The following TIMM9 variants were observed in gnomAD, a reference collection of about 807,000 sequenced individuals.
TIMM9 encodes the protein mitochondrial import inner membrane translocase subunit Tim9.
A neutral mutation model predicts 13.4 loss-of-function variants in TIMM9; 10 were observed. The ratio of observed to expected loss-of-function variants is 0.75; its 90% CI spans 0.46 to 1.26. The LOEUF is 1.26. Among genes scored for constraint, TIMM9 ranks in the 50% most tolerant of loss-of-function variants. The pLI, the probability that TIMM9 is intolerant of heterozygous loss-of-function variation, is 0.00. For synonymous variants in TIMM9, 32 were observed against 32.1 expected, an observed-to-expected ratio of 1.00 and a Z score of 0.01; for missense variants, 87 against 100.8, an observed-to-expected ratio of 0.86 and a Z score of 0.58.
intron 2 of TIMM9, among the ~76,000 whole-genome samples, chr14:58,424,419 G>A (rs769171716): frequency 6.6e-6 from 1 of 152,118 alleles, no homozygotes; most frequent in Non-Finnish European, 1.5e-5. Context: ...GATAGTAACT[G>A]GACAGCTGGA....
chr14:58,420,693 T>C (rs376732325), intron 3 of TIMM9, among the ~76,000 whole-genome samples: 216 of 149,042 alleles, frequency 1.4e-3, no homozygotes, highest in African/African-American at 5.2e-3. Context: ...CTCGGGTGGC[T>C]GAGGCAAGAG....
chr14:58,424,719 T>G (rs1032380420), intron 2 of TIMM9, among the ~76,000 whole-genome samples: 1 of 151,922 alleles, frequency 6.6e-6, no homozygotes, highest in Non-Finnish European at 1.5e-5. Context: ...AATACAAAAA[T>G]GAGCCGGCAT....
chr14:58,425,705 C>G (rs748657415), intron 2 of TIMM9, among the ~76,000 whole-genome samples: 2 of 152,192 alleles, frequency 1.3e-5, no homozygotes, highest in Non-Finnish European at 1.5e-5. Flanking sequence ...GTTAAACTAT[C>G]TCCAAGGTCT....
intron 2 of TIMM9, among the ~76,000 whole-genome samples, chr14:58,426,701 C>T (rs1054600218): frequency 2.3e-4 from 35 of 152,196 alleles, no homozygotes; most frequent in African/African-American, 7.7e-4. Context: ...GGTGTTAGAC[C>T]TGGTATTATG....
chr14:58,419,379 T>C (rs1264015802), intron 3 of TIMM9, among the ~76,000 whole-genome samples: 1 of 150,874 alleles, frequency 6.6e-6, no homozygotes, highest in Admixed American at 6.6e-5. Flanking sequence ...CATTTGAGCC[T>C]GGGAGGTAGA....
chr14:58,419,883 C>T (rs1253973146), intron 3 of TIMM9, among the ~76,000 whole-genome samples: 1 of 152,180 alleles, frequency 6.6e-6, no homozygotes, highest in African/African-American at 2.4e-5. Context: ...TGCCACTGCA[C>T]TCCAGCCTGG....
At chr14:58,415,369 A>C (rs895727521) in intron 3 of TIMM9, among the ~76,000 whole-genome samples, 3 of 152,252 alleles carry the variant, frequency 2.0e-5, no homozygotes, top group Non-Finnish European at 2.9e-5. Flanking sequence ...TGAATTAAAA[A>C]AAGACAACAG....
intron 5 of TIMM9, 35 bp from the exon 6 acceptor site, chr14:58,409,203 C>T (rs1479126219): frequency 2.5e-6 from 4 of 1,594,740 alleles, no homozygotes; most frequent in Non-Finnish European, 2.6e-6. Flanking sequence ...AGAGGCAACA[C>T]AAAAATATGA....
At chr14:58,426,048 C>T (rs1344924518) in intron 2 of TIMM9, among the ~76,000 whole-genome samples, 3 of 151,228 alleles carry the variant, frequency 2.0e-5, no homozygotes, top group Non-Finnish European at 2.9e-5. Context: ...ACCTGGGAGG[C>T]GGAGGTTGCA....
intron 3 of TIMM9, among the ~76,000 whole-genome samples, chr14:58,415,944 AGTGCCTCAC>A (rs2036392403): frequency 6.6e-6 from 1 of 152,004 alleles, no homozygotes; most frequent in Admixed American, 6.6e-5. Context: ...GGCTGAGCGC[AGTGCCTCAC>A]GTCTATAATC....
chr14:58,408,950 A>T lies in TIMM9; in HGVS notation c.*84T>A. On this transcript the variant is annotated 3_prime_UTR_variant, in exon 6 of 6. Transcript: ENST00000395159. Reference sequence around the variant, plus strand: ...GTTGAACATGGTGGCTACTGCTTTCAGGGGATTCTATCAGATGAGTCCTCA... The same window carrying T: ...GTTGAACATGGTGGCTACTGCTTTCTGGGGATTCTATCAGATGAGTCCTCA... The T allele has an allele frequency of 2.0e-6, 3 of 1,534,382 alleles. No homozygotes were observed. Among genetic ancestry groups the T allele is most frequent in the Non-Finnish European group, 2.6e-6 (3 of 1,145,250 alleles).
rs144153867 is a variant in TIMM9, at chr14:58,426,240, C to G, written c.-115+814G>C. On this transcript the variant is annotated intron_variant, in intron 2 of 5. Transcript: ENST00000395159. Reference sequence around the variant, plus strand: ...CTTTTTTTTTTAAGACAGTCTTGATCTGTCACTCAGGCTGGAGCACAATGG... The same window carrying G: ...CTTTTTTTTTTAAGACAGTCTTGATGTGTCACTCAGGCTGGAGCACAATGG... Among the ~76,000 whole-genome samples the G allele has an allele frequency of 5.0e-4, 75 of 150,414 alleles. 1 individual carries two copies. Among genetic ancestry groups the G allele is most frequent in the Middle Eastern group, 3.4e-3 (1 of 292 alleles).
chr14:58,422,991 G>C (rs980798838), intron 3 of TIMM9, among the ~76,000 whole-genome samples: 1 of 151,584 alleles, frequency 6.6e-6, no homozygotes, highest in African/African-American at 2.4e-5. Flanking sequence ...GTTTAGTATA[G>C]ATGGGGTTTC....
At chr14:58,425,409 TA>T (rs914229538) in intron 2 of TIMM9, among the ~76,000 whole-genome samples, 3 of 151,188 alleles carry the variant, frequency 2.0e-5, no homozygotes, top group African/African-American at 7.3e-5. Context: ...TACAAAAAAG[TA>T]AAAAATTAGC....
Position 58,420,425 on chromosome 14 carries a change from A to G in TIMM9, c.-27+3583T>C, listed in dbSNP as rs182134521. ...GCCGTAAAAAGGTATTTCAGCAAAAAGGAAATACATATGGCTAATAAGTAC... is the reference window on the plus strand; with the variant it reads ...GCCGTAAAAAGGTATTTCAGCAAAAGGGAAATACATATGGCTAATAAGTAC... On this transcript the variant is annotated intron_variant, in intron 3 of 5. Coordinates refer to ENST00000395159, the MANE Select transcript of TIMM9 (RefSeq NM_012460.4). Among the ~76,000 whole-genome samples the G allele has an allele frequency of 8.1e-4, 124 of 152,334 alleles. 1 individual carries two copies. Among genetic ancestry groups the G allele is most frequent in the African/African-American group, 2.9e-3 (120 of 41,568 alleles).
At chr14:58,425,105 G>A (rs1025580121) in intron 2 of TIMM9, among the ~76,000 whole-genome samples, 4 of 151,830 alleles carry the variant, frequency 2.6e-5, no homozygotes, top group Non-Finnish European at 5.9e-5. Flanking sequence ...GGGTTGAGAG[G>A]GCTGATTTAG....
At chr14:58,412,030 T>TCTTCA in intron 3 of TIMM9, 59 bp from the exon 4 acceptor site, 5 of 1,312,342 alleles carry the variant, frequency 3.8e-6, no homozygotes, top group Non-Finnish European at 5.5e-6. Context: ...TTAGTCTAAC[T>TCTTCA]GAAGAGTTAG....
chr14:58,410,735 G>A, intron 5 of TIMM9, 108 bp downstream of exon 5: 1 of 739,030 alleles, frequency 1.4e-6, no homozygotes, highest in Non-Finnish European at 2.2e-6. Context: ...AACATAAAAG[G>A]TAGTCTAAAT....
chr14:58,409,402 G>C (rs976969665), intron 5 of TIMM9, among the ~76,000 whole-genome samples: 2 of 152,048 alleles, frequency 1.3e-5, no homozygotes, highest in African/African-American at 4.8e-5. Context: ...GCAATGATAA[G>C]TCTCTGTTTT....
Sources: allele counts gnomAD v4.1 joint callset (sites outside exome capture counted in the v4.1 genomes callset), GRCh38; gene constraint gnomAD v4.1.1; transcripts MANE v1.5; gene names NCBI Gene and HGNC (gene_info 2026-07-23, HGNC 2026-07-21).